The following DIS3L2 variants were observed in gnomAD, a reference collection of about 807,000 sequenced individuals.
DIS3L2 encodes DIS3-like exonuclease 2.
In DIS3L2, 34 loss-of-function variants were observed where a neutral mutation model predicts 97.5. The observed-to-expected ratio is 0.35, with a 90% CI of 0.27 to 0.46. The LOEUF is 0.46. Ranked by LOEUF, DIS3L2 falls within the 20% of genes least tolerant of loss-of-function variation. The pLI is 1.00. For missense variants in DIS3L2, 1,038 were observed against 1,146.0 expected (o/e 0.91, Z 1.36); for synonymous variants, 435 against 445.2 (o/e 0.98, Z 0.29).
At chr2:232,255,745 ACAT>A (rs2106271804) in intron 12 of DIS3L2, among the ~76,000 whole-genome samples, 1 of 152,292 alleles carries the variant, frequency 6.6e-6, no homozygotes, top group South Asian at 2.1e-4. Flanking sequence ...GTCTCCTGTG[ACAT>A]CCCTGCTGTG....
In DIS3L2 at chr2:232,030,066, G is replaced by A. The variant is rs754512238; in HGVS notation, c.352G>A (p.Glu118Lys). 5.6e-6 allele frequency: 9 copies of A among 1,611,190 alleles called. No individual in the cohort carries two copies. The East Asian group carries it at 1.3e-4, about 24-fold the overall frequency. Residue 118 changes from glutamate to lysine, a missense_variant, in exon 5 of 21, where the codon GAG (glutamate) becomes AAG (lysine). Physicochemically the swap from Glu to Lys is moderately conservative, Grantham distance 56 (BLOSUM62 1). Around this residue, in one of 3 missense-constraint regions of DIS3L2, gnomAD observed 813 missense variants for 880.1 expected, o/e 0.92. Transcript: ENST00000325385. ...GDLVVVKLLPEEHWKVVKPES... is the reference protein window; with the variant it reads ...GDLVVVKLLPKEHWKVVKPES... ...TCTGGTGGTCGTGAAACTGCTTCCC[G>A]AGGAGCATTGGAAGGTGAGTTAAGT...
At chr2:232,160,067 A>G (rs1165938943) in intron 8 of DIS3L2, among the ~76,000 whole-genome samples, 2 of 152,202 alleles carry the variant, frequency 1.3e-5, no homozygotes, top group African/African-American at 4.8e-5. Context: ...TTTTAAGTCT[A>G]TGAGAGGTAT....
chr2:232,321,591 T>C (rs552093800), intron 14 of DIS3L2, among the ~76,000 whole-genome samples: 1 of 152,164 alleles, frequency 6.6e-6, no homozygotes, highest in South Asian at 2.1e-4. Context: ...AAGGAGAGGC[T>C]GCACAGGGCG....
At chr2:231,984,473 G>A (rs1693354547) in intron 1 of DIS3L2, among the ~76,000 whole-genome samples, 1 of 143,516 alleles carries the variant, frequency 7.0e-6, no homozygotes, top group Non-Finnish European at 1.5e-5. Context: ...TGCAAGCTCC[G>A]CCTCCCGGGT....
chr2:232,014,200 C>T (rs1231824384), intron 1 of DIS3L2, among the ~76,000 whole-genome samples: 1 of 152,216 alleles, frequency 6.6e-6, no homozygotes, highest in Admixed American at 6.5e-5. Context: ...TTAGATACAG[C>T]TGTTTGAGCT....
At chr2:231,999,523 C>T (rs1287443622) in intron 1 of DIS3L2, among the ~76,000 whole-genome samples, 1 of 152,158 alleles carries the variant, frequency 6.6e-6, no homozygotes. Context: ...AGCCTTTCCA[C>T]TTTTCCATAT....
intron 1 of DIS3L2, among the ~76,000 whole-genome samples, chr2:231,988,186 A>T: frequency 6.6e-6 from 1 of 152,198 alleles, no homozygotes; most frequent in Non-Finnish European, 1.5e-5. Flanking sequence ...CTGACGTTTT[A>T]TAACTATTAA....
Position 232,253,675 on chromosome 2 carries a change from G to A in DIS3L2, c.1425+4329G>A, listed in dbSNP as rs149550210. 3.3e-3 allele frequency among the ~76,000 whole-genome samples: 504 copies of A among 152,234 alleles called. 9 individuals are homozygous for A. Among genetic ancestry groups the A allele is most frequent in the Non-Finnish European group, 1.3e-3 (90 of 68,022 alleles). On this transcript the variant is annotated intron_variant, in intron 12 of 20. Coordinates refer to ENST00000325385, the MANE Select transcript of DIS3L2 (RefSeq NM_152383.5). ...AGAATAGTTACGTGGGCATGGTGGG[G>A]GAGGGAGTGTGTATGGAAGAAAAAA...
chr2:232,012,828 T>C (rs1043129395), intron 1 of DIS3L2, among the ~76,000 whole-genome samples: 5 of 152,200 alleles, frequency 3.3e-5, no homozygotes, highest in African/African-American at 9.6e-5. Context: ...GTTCGTTCCT[T>C]GTCCTATGCC....
At chr2:232,123,182 G>A (rs1208583724) in intron 6 of DIS3L2, among the ~76,000 whole-genome samples, 1 of 152,088 alleles carries the variant, frequency 6.6e-6, no homozygotes, top group Non-Finnish European at 1.5e-5. Flanking sequence ...CGTGGAGTCA[G>A]ACTGGGTTCT....
chr2:232,333,990 G>A lies in DIS3L2; in HGVS notation c.2158+3G>A, dbSNP rs1302355159. 1.9e-6 allele frequency: 3 copies of A among 1,608,468 alleles called. No individual in the cohort carries two copies. Among genetic ancestry groups the A allele is most frequent in the African/African-American group, 2.7e-5 (2 of 74,926 alleles). On this transcript the variant is annotated splice_donor_region_variant and intron_variant, in intron 17 of 20. Coordinates refer to ENST00000325385, the MANE Select transcript of DIS3L2 (RefSeq NM_152383.5). The stretch of plus-strand genomic sequence containing the variant: ...CCGCCTCCTGGCTGCCGCGTTAGGT[G>A]AGGGGTGCAGTCGGGGTCAGGGCAG...
At chr2:232,229,523 G>A (rs1348619425) in intron 10 of DIS3L2, among the ~76,000 whole-genome samples, 2 of 152,226 alleles carry the variant, frequency 1.3e-5, no homozygotes, top group East Asian at 3.8e-4. Context: ...GAAAAGCCTG[G>A]AAATTCCCAG....
At chr2:232,194,424 G>A (rs1359302463) in intron 9 of DIS3L2, among the ~76,000 whole-genome samples, 1 of 152,134 alleles carries the variant, frequency 6.6e-6, no homozygotes, top group Non-Finnish European at 1.5e-5. Flanking sequence ...TGTTTTGGCA[G>A]AACTGGTTTA....
intron 14 of DIS3L2, among the ~76,000 whole-genome samples, chr2:232,302,729 T>C (rs1694889963): frequency 1.3e-5 from 2 of 151,902 alleles, no homozygotes; most frequent in Admixed American, 1.3e-4. Flanking sequence ...CCTAGCTAAA[T>C]TTTGTATTTT....
In DIS3L2 at chr2:232,087,534, A is replaced by G. The variant is rs1553606113; in HGVS notation, c.414A>G (p.Glu138=). Residue 138 remains glutamate (E), a synonymous_variant, in exon 6 of 21, where the codon GAA becomes GAG. Coordinates refer to ENST00000325385, the MANE Select transcript of DIS3L2 (RefSeq NM_152383.5). The part of the protein sequence containing the change: ...SNDKETEAAY[E]SDIPEELCGH... ...ACAAAGAAACAGAAGCTGCGTATGA[A>G]TCAGATATCCCCGAGGAGCTCTGTG... is the stretch of plus-strand genomic sequence containing the variant. The G allele has an allele frequency of 6.2e-7, 1 of 1,614,010 alleles. No individual in the cohort carries two copies. Among genetic ancestry groups the G allele is most frequent in the Non-Finnish European group, 8.5e-7 (1 of 1,179,988 alleles).
intron 8 of DIS3L2, among the ~76,000 whole-genome samples, chr2:232,144,636 T>G (rs967462675): frequency 3.9e-5 from 6 of 152,170 alleles, no homozygotes; most frequent in Non-Finnish European, 7.4e-5. Flanking sequence ...CTTGGTATGA[T>G]ACCAAGTATA....
chr2:232,194,657 G>A (rs1486438636), intron 9 of DIS3L2, among the ~76,000 whole-genome samples: 1 of 152,226 alleles, frequency 6.6e-6, no homozygotes, highest in African/African-American at 2.4e-5. Context: ...AGGCAGGAAA[G>A]AAAGAGAGGA....
intron 3 of DIS3L2, among the ~76,000 whole-genome samples, chr2:232,017,145 A>G (rs908277320): frequency 6.6e-6 from 1 of 152,100 alleles, no homozygotes; most frequent in African/African-American, 2.4e-5. Flanking sequence ...GCTGGAGTGC[A>G]GTACAATCTT....
chr2:232,213,661 G>GTTTTTTTTT (rs67846645), intron 10 of DIS3L2, among the ~76,000 whole-genome samples: 1 of 80,734 alleles, frequency 1.2e-5, no homozygotes, highest in Non-Finnish European at 2.3e-5. Context: ...ATCATCTGTA[G>GTTTTTTTTT]TTTTTTTTTT....
Sources: gnomAD v4.1 joint callset for allele counts (sites outside exome capture counted in the v4.1 genomes callset) on GRCh38, gnomAD v4.1.1 for gene constraint, gnomAD v4.1.1 regional missense constraint, MANE v1.5 for transcripts, NCBI Gene and HGNC (gene_info 2026-07-23, HGNC 2026-07-21) for gene names.